Variants in YAP1 observed in about 807,000 individuals in gnomAD.
YAP1 encodes the protein transcriptional coactivator YAP1.
Under a neutral mutation model 56.9 loss-of-function variants are expected in YAP1, and 5 were observed. That is an observed-to-expected ratio of 0.09 (90% confidence interval 0.05 to 0.18). The LOEUF is 0.18. YAP1 is among the 10% of genes least tolerant of loss of function. The probability of loss-of-function intolerance (pLI) is 1.00; values close to 1 mark genes in which losing one functional copy is unlikely to be tolerated. For synonymous variants in YAP1, 265 were observed against 248.1 expected (o/e 1.07, Z -0.64); for missense variants, 539 against 651.8 (o/e 0.83, Z 1.88).
At position 102,110,716 on chromosome 11, in the gene YAP1, C is replaced by T; in HGVS notation, c.-133C>T. 1 of 784,908 alleles carries T rather than the reference C, an allele frequency of 1.3e-6. No individual in the cohort carries two copies. The highest frequency in any genetic ancestry group is 1.7e-6 in the Non-Finnish European group (1 of 600,800). 48.6% of individuals were successfully genotyped at this position (784,908 alleles called of 1,614,324 possible). On this transcript the variant is annotated 5_prime_UTR_variant, in exon 1 of 9. Coordinates refer to ENST00000282441, the MANE Select transcript of YAP1 (RefSeq NM_001130145.3). ...CGGGGCCGCGGCGCAGCCCCCCGGCCCTGAGAGCGAGGACAGCGCCGCCCG... is the reference window on the plus strand; with the variant it reads ...CGGGGCCGCGGCGCAGCCCCCCGGCTCTGAGAGCGAGGACAGCGCCGCCCG...
intron 3 of YAP1, among the ~76,000 whole-genome samples, chr11:102,174,844 A>G (rs1947143708): frequency 6.6e-6 from 1 of 152,180 alleles, no homozygotes; most frequent in Non-Finnish European, 1.5e-5. Flanking sequence ...TAAAGAGGAC[A>G]TGAACATAGT....
At chr11:102,173,923 C>T (rs555853819) in intron 3 of YAP1, among the ~76,000 whole-genome samples, 1 of 152,156 alleles carries the variant, frequency 6.6e-6, no homozygotes, top group Admixed American at 6.5e-5. Context: ...ATCATACAAG[C>T]GGTCCTTGTT....
At chr11:102,179,408 G>A (rs1003217646) in intron 3 of YAP1, among the ~76,000 whole-genome samples, 1 of 152,134 alleles carries the variant, frequency 6.6e-6, no homozygotes. Flanking sequence ...TGGAATTACT[G>A]TTTAATAATG....
intron 2 of YAP1, among the ~76,000 whole-genome samples, chr11:102,159,430 A>G (rs577092002): frequency 6.6e-6 from 1 of 152,228 alleles, no homozygotes; most frequent in Non-Finnish European, 1.5e-5. Context: ...AACCTGTGGC[A>G]TCTACCTACT....
At chr11:102,114,005 T>C in intron 1 of YAP1, 139 bp from the exon 2 acceptor site, 1 of 650,836 alleles carries the variant, frequency 1.5e-6, no homozygotes, top group Non-Finnish European at 2.4e-6. Flanking sequence ...ACCTGTGTTC[T>C]CCAGTGTCGA....
intron 2 of YAP1, among the ~76,000 whole-genome samples, chr11:102,125,140 G>A (rs1943952208): frequency 6.6e-6 from 1 of 151,430 alleles, no homozygotes; most frequent in Admixed American, 6.6e-5. Flanking sequence ...AACCTCAGGT[G>A]ATCGTCCTGC....
chr11:102,231,657 A>G lies in YAP1; in HGVS notation c.*1717A>G, dbSNP rs1046106100. On this transcript the variant is annotated 3_prime_UTR_variant, in exon 9 of 9. Transcript: ENST00000282441. Reference sequence around the variant, plus strand: ...GAGCATGAATTAACTCTTCAATATAAGCTATGAAGTAATAGTTGGTTGTGA... The same window carrying G: ...GAGCATGAATTAACTCTTCAATATAGGCTATGAAGTAATAGTTGGTTGTGA... 6.6e-6 allele frequency: 1 copy of G among 152,616 alleles called. No individual in the cohort carries two copies. Among genetic ancestry groups the G allele is most frequent in the African/African-American group, 2.4e-5 (1 of 41,456 alleles). 9.5% of individuals were successfully genotyped at this position (152,616 alleles called of 1,614,324 possible).
intron 8 of YAP1, among the ~76,000 whole-genome samples, chr11:102,229,318 C>G (rs535109339): frequency 6.6e-6 from 1 of 152,278 alleles, no homozygotes; most frequent in African/African-American, 2.4e-5. Context: ...GTCTATACCA[C>G]TCATGTTTAT....
intron 3 of YAP1, among the ~76,000 whole-genome samples, chr11:102,177,038 G>C (rs1947304402): frequency 2.0e-5 from 3 of 152,164 alleles, no homozygotes; most frequent in Admixed American, 1.3e-4. Context: ...ATTCAGAGTG[G>C]GAAGGGATGA....
At chr11:102,155,154 T>A (rs1952877766) in intron 2 of YAP1, among the ~76,000 whole-genome samples, 1 of 152,182 alleles carries the variant, frequency 6.6e-6, no homozygotes, top group Admixed American at 6.5e-5. Flanking sequence ...TGTCCTGCCC[T>A]CTTTTCTGAT....
At position 102,119,882 on chromosome 11, in the gene YAP1, A is replaced by G. The variant is rs187158162; in HGVS notation, c.572+5488A>G. On this transcript the variant is annotated intron_variant, in intron 2 of 8. Transcript: ENST00000282441. ...GGACCAATCAAAGTGAAGTCATTTTAAAAATCAGTTGCTAAGATTTAAGAT... is the reference window on the plus strand; with the variant it reads ...GGACCAATCAAAGTGAAGTCATTTTGAAAATCAGTTGCTAAGATTTAAGAT... Among the ~76,000 whole-genome samples the G allele has an allele frequency of 5.8e-4, 89 of 152,344 alleles. 1 individual carries two copies. Among genetic ancestry groups the G allele is most frequent in the African/African-American group, 1.9e-3 (81 of 41,580 alleles).
chr11:102,184,289 T>C (rs1947828701), intron 3 of YAP1, among the ~76,000 whole-genome samples: 1 of 152,190 alleles, frequency 6.6e-6, no homozygotes, highest in Non-Finnish European at 1.5e-5. Flanking sequence ...AGCAAACCAT[T>C]AATATTCAGT....
In YAP1 at chr11:102,213,255, C is replaced by T. The variant is rs912371847; in HGVS notation, c.1032+3691C>T. On this transcript the variant is annotated intron_variant, in intron 6 of 8. Transcript: ENST00000282441. ...ATCCCAGCACTTTGGGAGGCCAAGG[C>T]GGGTGGATCACCTGAAGTCAGGAGT... Among the ~76,000 whole-genome samples the T allele has an allele frequency of 5.3e-4, 81 of 152,148 alleles. 1 individual carries two copies. Among genetic ancestry groups the T allele is most frequent in the South Asian group, 1.4e-3 (7 of 4,828 alleles).
chr11:102,120,572 G>A (rs536846356), intron 2 of YAP1, among the ~76,000 whole-genome samples: 25 of 152,262 alleles, frequency 1.6e-4, no homozygotes, highest in African/African-American at 5.5e-4. Context: ...TTAGTCACTC[G>A]ACTATCAAGT....
chr11:102,164,130 C>T (rs961565393), intron 3 of YAP1, among the ~76,000 whole-genome samples: 2 of 151,852 alleles, frequency 1.3e-5, no homozygotes, highest in African/African-American at 2.4e-5. Context: ...CTCTGCCTCC[C>T]AGGTTCAAGT....
intron 2 of YAP1, among the ~76,000 whole-genome samples, chr11:102,120,953 A>G (rs1016481287): frequency 1.3e-5 from 2 of 152,196 alleles, no homozygotes; most frequent in African/African-American, 4.8e-5. Context: ...GTGAAGCAAG[A>G]TGTGGATTTT....
chr11:102,167,331 T>C (rs959560216), intron 3 of YAP1, among the ~76,000 whole-genome samples: 3 of 152,240 alleles, frequency 2.0e-5, no homozygotes, highest in Admixed American at 1.3e-4. Context: ...AATGGAATAA[T>C]GTATTAAGAT....
At position 102,201,219 on chromosome 11, in the gene YAP1, A is replaced by G. The variant is rs35807363; in HGVS notation, c.803-4674A>G. ...CTATGTCAATAGGAAAATGAGGGAA[A>G]ATCTCTATATACTGCTTTAGAGTTA... is the stretch of plus-strand genomic sequence containing the variant. On this transcript the variant is annotated intron_variant, in intron 4 of 8. Coordinates refer to ENST00000282441, the MANE Select transcript of YAP1 (RefSeq NM_001130145.3). Among the ~76,000 whole-genome samples the G allele has an allele frequency of 9.9e-3, 1,514 of 152,290 alleles. 10 individuals carry two copies. The highest frequency in any genetic ancestry group is 0.017 in the Non-Finnish European group (1,136 of 68,026).
chr11:102,134,981 T>C (rs970187436), intron 2 of YAP1, among the ~76,000 whole-genome samples: 2 of 152,030 alleles, frequency 1.3e-5, no homozygotes, highest in Non-Finnish European at 2.9e-5. Context: ...TTGGTTCAAG[T>C]GATTCTCCTG....
Sources: allele counts gnomAD v4.1 joint callset (sites outside exome capture counted in the v4.1 genomes callset), GRCh38; gene constraint gnomAD v4.1.1; transcripts MANE v1.5; gene names NCBI Gene and HGNC (gene_info 2026-07-23, HGNC 2026-07-21).